PRKCE: variants seen among roughly 807,000 people sequenced by gnomAD.
The protein encoded by PRKCE is protein kinase C epsilon.
Under a neutral mutation model 85.4 loss-of-function variants are expected in PRKCE, and 16 were observed. That is an observed-to-expected ratio of 0.19 (90% CI 0.13 to 0.28). The LOEUF is 0.28. Ranked by LOEUF, PRKCE falls within the 10% of genes least tolerant of loss-of-function variation. The pLI is 1.00. For missense variants in PRKCE, 573 were observed against 975.2 expected, an observed-to-expected ratio of 0.59 and a Z score of 5.49; for synonymous variants, 388 against 371.5, an observed-to-expected ratio of 1.04 and a Z score of -0.51.
rs538892859 is a variant in PRKCE, at chr2:45,736,984, C to T, written c.348+84536C>T. The stretch of plus-strand genomic sequence containing the variant: ...GGAATGAGCAGATGGAAGAGGGGCC[C>T]GGCCATGCTGAAAGGGAGCTGCCGC... On this transcript the variant is annotated intron_variant, in intron 1 of 14. Transcript: ENST00000306156. Among the ~76,000 whole-genome samples the T allele has an allele frequency of 5.3e-5, 8 of 152,254 alleles. No homozygotes were observed. The South Asian group carries it at 1.0e-3, about 20-fold the overall frequency.
At chr2:45,936,113 G>A (rs6544864) in intron 2 of PRKCE, among the ~76,000 whole-genome samples, 15,279 of 152,182 alleles carry the variant, frequency 0.1, 1,599 homozygotes, top group African/African-American at 0.26. Flanking sequence ...CCCTAGGAGG[G>A]CAGGCACTGA....
chr2:45,867,158 G>A (rs1450393480), intron 2 of PRKCE, among the ~76,000 whole-genome samples: 1 of 152,130 alleles, frequency 6.6e-6, no homozygotes, highest in African/African-American at 2.4e-5. Context: ...CCTCTCAGAC[G>A]TGTAGCAAAA....
chr2:45,685,988 G>A (rs1215209631), intron 1 of PRKCE, among the ~76,000 whole-genome samples: 3 of 152,160 alleles, frequency 2.0e-5, no homozygotes, highest in African/African-American at 7.2e-5. Flanking sequence ...TAAAATTTAA[G>A]TATAGGAGAT....
intron 6 of PRKCE, among the ~76,000 whole-genome samples, chr2:45,991,181 A>C (rs912036594): frequency 6.7e-6 from 1 of 150,260 alleles, no homozygotes; most frequent in African/African-American, 2.5e-5. Context: ...AAATTTTTAC[A>C]TTTTTAGTAG....
intron 6 of PRKCE, among the ~76,000 whole-genome samples, 187 bp downstream of exon 6, chr2:45,984,867 A>G (rs1291224848): frequency 6.6e-6 from 1 of 152,226 alleles, no homozygotes; most frequent in Non-Finnish European, 1.5e-5. Flanking sequence ...GAGACCATCC[A>G]GGACTGGGTG....
At chr2:45,970,748 G>C (rs989553867) in intron 2 of PRKCE, among the ~76,000 whole-genome samples, 2 of 151,984 alleles carry the variant, frequency 1.3e-5, no homozygotes, top group Admixed American at 6.6e-5. Flanking sequence ...TTATGTAGCT[G>C]AATGTCTTTG....
chr2:45,749,164 A>G (rs1390665186), intron 1 of PRKCE, among the ~76,000 whole-genome samples: 1 of 152,202 alleles, frequency 6.6e-6, no homozygotes, highest in Non-Finnish European at 1.5e-5. Context: ...TGCTTGGATT[A>G]CAAGCGTGAG....
chr2:46,056,266 C>G (rs1303592197), intron 10 of PRKCE, among the ~76,000 whole-genome samples: 1 of 149,346 alleles, frequency 6.7e-6, no homozygotes, highest in Admixed American at 6.6e-5. Flanking sequence ...CCATTTCATC[C>G]TTTGGCTTTC....
chr2:46,058,452 C>T (rs1666811359), intron 10 of PRKCE, among the ~76,000 whole-genome samples: 1 of 152,182 alleles, frequency 6.6e-6, no homozygotes. Context: ...AACCAAACTT[C>T]AACTAAAGAA....
Position 46,187,311 on chromosome 2 carries a change from G to C in PRKCE, c.*2430G>C, listed in dbSNP as rs1680515968. The C allele has an allele frequency of 6.6e-6, 1 of 152,340 alleles. No individual in the cohort carries two copies. Among genetic ancestry groups the C allele is most frequent in the South Asian group, 2.1e-4 (1 of 4,826 alleles). The allele number at this position is 152,340 out of a possible 1,614,324, so 9.4% of individuals were successfully genotyped here. On this transcript the variant is annotated 3_prime_UTR_variant, in exon 15 of 15. Coordinates refer to ENST00000306156, the MANE Select transcript of PRKCE (RefSeq NM_005400.3). ...TCCACCTGGCAGCTGAAGGCAGCCA[G>C]TCAGTCTGTCCCAGAAAGGGCCCTT...
chr2:46,028,838 G>A (rs1161675864), intron 10 of PRKCE, among the ~76,000 whole-genome samples: 2 of 152,090 alleles, frequency 1.3e-5, no homozygotes, highest in Non-Finnish European at 2.9e-5. Flanking sequence ...AGGCCCCAGT[G>A]CATGTTGTTC....
intron 2 of PRKCE, among the ~76,000 whole-genome samples, chr2:45,860,167 T>C (rs751175720): frequency 1.3e-5 from 2 of 152,226 alleles, no homozygotes; most frequent in Non-Finnish European, 2.9e-5. Context: ...CCCAGCAAGC[T>C]GGAATAGTGC....
intron 1 of PRKCE, among the ~76,000 whole-genome samples, chr2:45,682,626 G>A (rs1386335346): frequency 6.6e-6 from 1 of 151,856 alleles, no homozygotes; most frequent in African/African-American, 2.4e-5. Flanking sequence ...CACTCTTGTT[G>A]CCCAGGCTGG....
intron 1 of PRKCE, among the ~76,000 whole-genome samples, chr2:45,661,860 T>C (rs1478750298): frequency 2.6e-5 from 4 of 152,184 alleles, no homozygotes; most frequent in African/African-American, 9.7e-5. Context: ...TAAAAAATCA[T>C]GATGAGTGAA....
chr2:46,153,325 A>G (rs535667513), intron 13 of PRKCE, among the ~76,000 whole-genome samples: 30 of 152,342 alleles, frequency 2.0e-4, no homozygotes, highest in South Asian at 8.3e-4. Context: ...TTATTCATTT[A>G]TTCTATAAAT....
chr2:45,719,141 G>A (rs576164850), intron 1 of PRKCE, among the ~76,000 whole-genome samples: 15 of 152,350 alleles, frequency 9.8e-5, no homozygotes, highest in South Asian at 2.1e-4. Context: ...ACCTGTGGGC[G>A]GTGCTAGGAT....
At chr2:45,947,425 A>C (rs1023835384) in intron 2 of PRKCE, among the ~76,000 whole-genome samples, 2 of 152,224 alleles carry the variant, frequency 1.3e-5, no homozygotes, top group African/African-American at 4.8e-5. Context: ...ACATGACAGA[A>C]TATATACAAA....
intron 1 of PRKCE, among the ~76,000 whole-genome samples, chr2:45,709,886 T>G (rs982294360): frequency 6.6e-6 from 1 of 152,182 alleles, no homozygotes; most frequent in African/African-American, 2.4e-5. Flanking sequence ...CTCAGCTCAC[T>G]GCAACCTCCA....
chr2:45,806,691 T>C (rs1688268470), intron 1 of PRKCE, among the ~76,000 whole-genome samples: 1 of 152,236 alleles, frequency 6.6e-6, no homozygotes, highest in South Asian at 2.1e-4. Flanking sequence ...ACATGTCCTT[T>C]TGTGATCAGC....
Sources: allele counts gnomAD v4.1 joint callset (sites outside exome capture counted in the v4.1 genomes callset), GRCh38; gene constraint gnomAD v4.1.1; transcripts MANE v1.5; gene names NCBI Gene and HGNC (gene_info 2026-07-23, HGNC 2026-07-21).